The following PCDH15 variants were observed in gnomAD, a reference collection of about 807,000 sequenced individuals.
PCDH15 encodes the protein protocadherin-15.
In PCDH15, 129 loss-of-function variants were observed where a neutral mutation model predicts 178.5. That is an observed-to-expected ratio of 0.72 (90% CI 0.63 to 0.84). The LOEUF is 0.84. Among genes scored for constraint, PCDH15 ranks in the 40% least tolerant of loss-of-function variants. The pLI, the probability that PCDH15 is intolerant of heterozygous loss-of-function variation, is 0.00. For missense variants in PCDH15, 2,230 were observed against 2,099.9 expected (o/e 1.06, Z -1.21); for synonymous variants, 800 against 732.0 (o/e 1.09, Z -1.50).
At chr10:54,035,273 C>T (rs775894282) in intron 18 of PCDH15, among the ~76,000 whole-genome samples, 4 of 151,798 alleles carry the variant, frequency 2.6e-5, no homozygotes, top group Admixed American at 6.6e-5. Context: ...GCTTCACGGA[C>T]GTTGCATTTT....
At chr10:55,548,955 T>C (rs1243998737) in intron 2 of PCDH15, among the ~76,000 whole-genome samples, 2 of 152,162 alleles carry the variant, frequency 1.3e-5, no homozygotes, top group African/African-American at 2.4e-5. Context: ...AGAATAATTT[T>C]AGTATTTTAA....
intron 1 of PCDH15, among the ~76,000 whole-genome samples, chr10:54,720,772 T>C (rs1019035439): frequency 6.6e-6 from 1 of 152,034 alleles, no homozygotes; most frequent in Non-Finnish European, 1.5e-5. Context: ...TGAATAGAGA[T>C]AGACAGTTAT....
intron 27 of PCDH15, among the ~76,000 whole-genome samples, chr10:53,860,746 AGT>A (rs1364476018): frequency 1.4e-5 from 2 of 143,798 alleles, no homozygotes; most frequent in African/African-American, 5.3e-5. Flanking sequence ...AAAAAAAAAA[AGT>A]GAGATTTTGT....
chr10:54,891,204 T>C (rs1441176369), intron 3 of PCDH15, among the ~76,000 whole-genome samples: 1 of 152,206 alleles, frequency 6.6e-6, no homozygotes, highest in Admixed American at 6.6e-5. Flanking sequence ...GTCTATTCTA[T>C]TCAGATAATT....
intron 1 of PCDH15, among the ~76,000 whole-genome samples, chr10:54,785,063 C>T (rs554387593): frequency 2.5e-4 from 38 of 151,702 alleles, no homozygotes; most frequent in South Asian, 1.9e-3. Context: ...TTCATCTACC[C>T]GATATGACCC....
intron 18 of PCDH15, among the ~76,000 whole-genome samples, chr10:54,026,885 A>G (rs2093115982): frequency 1.3e-5 from 2 of 151,974 alleles, no homozygotes. Context: ...GGCACAAGAC[A>G]GGGATGCCCT....
intron 2 of PCDH15, among the ~76,000 whole-genome samples, chr10:55,022,217 C>T (rs1223426917): frequency 1.3e-5 from 2 of 151,870 alleles, no homozygotes; most frequent in African/African-American, 4.8e-5. Context: ...CTTTGGAAGG[C>T]CAAGGCAGCC....
chr10:54,842,332 A>G (rs1335957741), intron 3 of PCDH15, among the ~76,000 whole-genome samples: 1 of 151,744 alleles, frequency 6.6e-6, no homozygotes, highest in Non-Finnish European at 1.5e-5. Flanking sequence ...CTTCTACAAC[A>G]TATCTTTTGT....
intron 2 of PCDH15, among the ~76,000 whole-genome samples, chr10:55,334,531 T>C (rs1186098102): frequency 3.3e-5 from 5 of 151,748 alleles, no homozygotes; most frequent in African/African-American, 1.2e-4. Flanking sequence ...GGTCTCAAAC[T>C]CCTGACCTCA....
chr10:54,049,933 T>C (rs753842646), intron 18 of PCDH15, among the ~76,000 whole-genome samples: 5 of 152,318 alleles, frequency 3.3e-5, no homozygotes, highest in Non-Finnish European at 7.4e-5. Context: ...CATTTTGAGA[T>C]ACTTTTTAGT....
At chr10:54,695,203 C>T (rs2095202363) in intron 1 of PCDH15, among the ~76,000 whole-genome samples, 1 of 152,100 alleles carries the variant, frequency 6.6e-6, no homozygotes, top group Admixed American at 6.6e-5. Context: ...TACCCTAAAA[C>T]TTAAAGTATA....
At chr10:54,480,408 C>A (rs1326958644) in intron 3 of PCDH15, among the ~76,000 whole-genome samples, 1 of 151,928 alleles carries the variant, frequency 6.6e-6, no homozygotes, top group Non-Finnish European at 1.5e-5. Flanking sequence ...TCAGCAAAAC[C>A]GTAAGTGGCC....
intron 20 of PCDH15, among the ~76,000 whole-genome samples, chr10:53,999,066 A>G (rs1390184365): frequency 6.6e-6 from 1 of 151,944 alleles, no homozygotes; most frequent in Non-Finnish European, 1.5e-5. Flanking sequence ...AAAAAAAAAA[A>G]AAAAAAAGAT....
Position 55,343,975 on chromosome 10 carries a change from T to C in PCDH15, c.-155-177324A>G, listed in dbSNP as rs558747843. ...GGTTGCAGAGAAAAATAAAGCATAA[T>C]AGGTGATAAAGAGGAGGTGTTATAA... On this transcript the variant is annotated intron_variant, in intron 2 of 5. Transcript: ENST00000613346. 7.2e-5 allele frequency among the ~76,000 whole-genome samples: 11 copies of C among 152,122 alleles called. No individual in the cohort carries two copies. In the South Asian group the frequency reaches 2.1e-3, roughly 29 times the overall value.
intron 29 of PCDH15, among the ~76,000 whole-genome samples, chr10:53,835,859 C>T (rs566249274): frequency 4.6e-5 from 7 of 152,252 alleles, no homozygotes; most frequent in East Asian, 3.9e-4. Flanking sequence ...AACTTCTTTG[C>T]GTAGATTTCT....
intron 3 of PCDH15, among the ~76,000 whole-genome samples, chr10:54,471,218 A>G (rs537090844): frequency 9.8e-5 from 15 of 152,308 alleles, no homozygotes; most frequent in African/African-American, 3.6e-4. Context: ...GTGGATCATC[A>G]TAAAGAACTT....
At chr10:54,828,418 C>T (rs1953165335) in intron 3 of PCDH15, among the ~76,000 whole-genome samples, 1 of 151,814 alleles carries the variant, frequency 6.6e-6, no homozygotes, top group South Asian at 2.1e-4. Flanking sequence ...GACCTTTAGC[C>T]ATAGACTTGA....
At chr10:53,826,848 T>C (rs375802135) in intron 32 of PCDH15, among the ~76,000 whole-genome samples, 1 of 152,128 alleles carries the variant, frequency 6.6e-6, no homozygotes, top group Non-Finnish European at 1.5e-5. Context: ...AGAAATTCTG[T>C]AATTTCATTG....
intron 2 of PCDH15, among the ~76,000 whole-genome samples, chr10:55,049,842 C>A (rs1399313389): frequency 2.0e-5 from 3 of 152,104 alleles, no homozygotes; most frequent in South Asian, 2.1e-4. Context: ...TTGCATCCAG[C>A]AGAAGATCTG....
Sources: gnomAD v4.1 joint callset for allele counts (sites outside exome capture counted in the v4.1 genomes callset) on GRCh38, gnomAD v4.1.1 for gene constraint, MANE v1.5 for transcripts, NCBI Gene and HGNC (gene_info 2026-07-23, HGNC 2026-07-21) for gene names.